GPC5: variants seen among roughly 807,000 people sequenced by gnomAD.
GPC5 encodes the protein glypican-5.
GPC5 carries 47 observed loss-of-function variants against 53.9 expected under a neutral mutation model. The observed-to-expected ratio is 0.87, with a 90% CI of 0.69 to 1.11. GPC5 has a LOEUF of 1.11. Ranked by LOEUF, GPC5 falls within the 50% of genes most tolerant of loss-of-function variation. The pLI, the probability that GPC5 is intolerant of heterozygous loss-of-function variation, is 0.00. For missense variants in GPC5, 748 were observed against 713.1 expected, an observed-to-expected ratio of 1.05 and a Z score of -0.56; for synonymous variants, 286 against 263.3, an observed-to-expected ratio of 1.09 and a Z score of -0.84.
chr13:92,047,783 A>T (rs1260721669), intron 6 of GPC5, among the ~76,000 whole-genome samples: 1 of 148,512 alleles, frequency 6.7e-6, no homozygotes, highest in Non-Finnish European at 1.5e-5. Context: ...ATCCTGGCTA[A>T]CATGGTGAAA....
chr13:92,421,697 T>TAAAA (rs1876572746), intron 7 of GPC5, among the ~76,000 whole-genome samples: 1 of 11,636 alleles, frequency 8.6e-5, no homozygotes. Context: ...AGACTCCGTC[T>TAAAA]CAAAAAAAAA....
chr13:92,118,020 G>A (rs1409361091), intron 6 of GPC5, among the ~76,000 whole-genome samples: 3 of 152,088 alleles, frequency 2.0e-5, no homozygotes, highest in Non-Finnish European at 4.4e-5. Flanking sequence ...TTCTTGCCTT[G>A]GACCCAGTTT....
At chr13:92,812,619 A>C (rs1271903979) in intron 7 of GPC5, among the ~76,000 whole-genome samples, 1 of 151,852 alleles carries the variant, frequency 6.6e-6, no homozygotes, top group African/African-American at 2.4e-5. Flanking sequence ...GAAGGCAACT[A>C]GGTAAGAAAA....
Position 91,618,534 on chromosome 13 carries a change from T to C in GPC5, c.326-74653T>C, listed in dbSNP as rs550804115. Among the ~76,000 whole-genome samples, 8 of 152,216 alleles carry C rather than the reference T, an allele frequency of 5.3e-5. No individual in the cohort carries two copies. The East Asian group carries it at 1.5e-3, about 29-fold the overall frequency. On this transcript the variant is annotated intron_variant, in intron 2 of 7. Coordinates refer to ENST00000377067, the MANE Select transcript of GPC5 (RefSeq NM_004466.6). ...TGTGTACACAGCCCGGTTCATGTGC[T>C]TTGCTCAGATAAGGACTGCGGAATT...
intron 7 of GPC5, among the ~76,000 whole-genome samples, chr13:92,758,577 C>T (rs533424341): frequency 2.0e-5 from 3 of 152,196 alleles, no homozygotes; most frequent in South Asian, 2.1e-4. Context: ...TTTATCTGAA[C>T]ATAGAGTGGC....
chr13:92,522,019 A>G (rs1289402396), intron 7 of GPC5, among the ~76,000 whole-genome samples: 3 of 152,266 alleles, frequency 2.0e-5, no homozygotes, highest in African/African-American at 4.8e-5. Flanking sequence ...CAACAGACAC[A>G]TGAAAAAATG....
At chr13:91,778,160 T>G (rs1363378304) in intron 5 of GPC5, among the ~76,000 whole-genome samples, 2 of 152,312 alleles carry the variant, frequency 1.3e-5, no homozygotes, top group East Asian at 1.9e-4. Flanking sequence ...AAAATGTGCC[T>G]CGGCTGTGAA....
chr13:92,850,961 C>A (rs776107684), intron 7 of GPC5, among the ~76,000 whole-genome samples: 1 of 152,172 alleles, frequency 6.6e-6, no homozygotes, highest in Non-Finnish European at 1.5e-5. Context: ...TAAATTGGCT[C>A]ATGGTTCTTT....
chr13:91,739,631 T>C (rs1290740726), intron 4 of GPC5, among the ~76,000 whole-genome samples: 3 of 151,220 alleles, frequency 2.0e-5, no homozygotes, highest in African/African-American at 7.4e-5. Flanking sequence ...CCTCCGTTTG[T>C]TGTCACAGTG....
intron 7 of GPC5, among the ~76,000 whole-genome samples, chr13:92,245,560 GT>G (rs1328296290): frequency 1.7e-4 from 26 of 152,094 alleles, no homozygotes; most frequent in Admixed American, 1.3e-4. Context: ...CTGAACCTTA[GT>G]TTCTTTATAC....
At chr13:92,398,323 GGAGGCT>G (rs1217596453) in intron 7 of GPC5, among the ~76,000 whole-genome samples, 3 of 146,918 alleles carry the variant, frequency 2.0e-5, no homozygotes, top group African/African-American at 7.6e-5. Context: ...CAGCTACTTG[GGAGGCT>G]GAGGCAGGAG....
At position 92,363,800 on chromosome 13, in the gene GPC5, C is replaced by T. The variant is rs2139284965; in HGVS notation, c.1561+218811C>T. Reference sequence around the variant, plus strand: ...ATAAAAATCCAGCAATGAACAATGTCCAGCATACAATTATAAATACAGAAA... The same window carrying T: ...ATAAAAATCCAGCAATGAACAATGTTCAGCATACAATTATAAATACAGAAA... On this transcript the variant is annotated intron_variant, in intron 7 of 7. Coordinates refer to ENST00000377067, the MANE Select transcript of GPC5 (RefSeq NM_004466.6). Among the ~76,000 whole-genome samples, 4 of 151,730 alleles carry T rather than the reference C, an allele frequency of 2.6e-5. 1 individual carries two copies. In the South Asian group the frequency reaches 8.3e-4, roughly 32 times the overall value.
intron 6 of GPC5, among the ~76,000 whole-genome samples, chr13:92,071,119 C>T (rs1204119754): frequency 6.6e-6 from 1 of 152,024 alleles, no homozygotes; most frequent in Non-Finnish European, 1.5e-5. Flanking sequence ...ACCTGTAGTC[C>T]CAACTACTCA....
At chr13:91,910,417 C>G (rs2039598756) in intron 6 of GPC5, among the ~76,000 whole-genome samples, 1 of 152,136 alleles carries the variant, frequency 6.6e-6, no homozygotes, top group African/African-American at 2.4e-5. Context: ...AGATCCTAGT[C>G]TATAGATTTA....
At chr13:92,668,044 AC>A (rs1481324906) in intron 7 of GPC5, among the ~76,000 whole-genome samples, 1 of 152,128 alleles carries the variant, frequency 6.6e-6, no homozygotes, top group Non-Finnish European at 1.5e-5. Context: ...TTTTCTTTAA[AC>A]TTTGGTTTCA....
chr13:91,498,530 G>A (rs999692110), intron 2 of GPC5, among the ~76,000 whole-genome samples: 1 of 152,138 alleles, frequency 6.6e-6, no homozygotes, highest in Non-Finnish European at 1.5e-5. Flanking sequence ...GCGTAGGATA[G>A]CCAGGAGCAT....
At chr13:92,353,197 T>C (rs2043494057) in intron 7 of GPC5, among the ~76,000 whole-genome samples, 1 of 145,490 alleles carries the variant, frequency 6.9e-6, no homozygotes, top group African/African-American at 2.6e-5. Flanking sequence ...GAAGCGGAGC[T>C]TGCAGTGAGC....
chr13:91,614,581 C>T (rs1030604347), intron 2 of GPC5, among the ~76,000 whole-genome samples: 10 of 151,412 alleles, frequency 6.6e-5, no homozygotes, highest in Non-Finnish European at 1.3e-4. Flanking sequence ...ATCCTCTTCA[C>T]TTGGCCTCCC....
At position 92,645,332 on chromosome 13, in the gene GPC5, A is replaced by G. The variant is rs545876873; in HGVS notation, c.1562-220950A>G. 1.3e-4 allele frequency among the ~76,000 whole-genome samples: 20 copies of G among 152,236 alleles called. No homozygotes were observed. The South Asian group carries it at 3.5e-3, about 27-fold the overall frequency. On this transcript the variant is annotated intron_variant, in intron 7 of 7. Coordinates refer to ENST00000377067, the MANE Select transcript of GPC5 (RefSeq NM_004466.6). The stretch of plus-strand genomic sequence containing the variant: ...GCTAATTTCTGTATTTTCAGTAGAG[A>G]CGGGATTTCACTATGTTGGTCAGAC...
Sources: gnomAD v4.1 joint callset for allele counts (sites outside exome capture counted in the v4.1 genomes callset) on GRCh38, gnomAD v4.1.1 for gene constraint, MANE v1.5 for transcripts, NCBI Gene and HGNC (gene_info 2026-07-23, HGNC 2026-07-21) for gene names.